DNAH8: variants seen among roughly 807,000 people sequenced by gnomAD.
The protein encoded by DNAH8 is axonemal beta dynein heavy chain 8.
DNAH8 carries 382 observed loss-of-function variants against 562.1 expected under a neutral mutation model. The observed-to-expected ratio is 0.68, with a 90% CI of 0.63 to 0.74. The LOEUF is 0.74. Ranked by LOEUF, DNAH8 falls within the 30% of genes least tolerant of loss-of-function variation. The pLI is 0.00. For missense variants in DNAH8, 5,203 were observed against 5,620.4 expected, an observed-to-expected ratio of 0.93 and a Z score of 2.37; for synonymous variants, 1,881 against 1,919.4, an observed-to-expected ratio of 0.98 and a Z score of 0.52.
intron 33 of DNAH8, among the ~76,000 whole-genome samples, chr6:38,838,429 C>T (rs1267878801): frequency 7.3e-5 from 11 of 151,332 alleles, no homozygotes; most frequent in Admixed American, 6.6e-5. Context: ...GACAGAGTCT[C>T]GCTCTGTTGC....
intron 70 of DNAH8, among the ~76,000 whole-genome samples, chr6:38,919,549 T>A (rs1256095918): frequency 2.0e-5 from 3 of 152,194 alleles, no homozygotes; most frequent in Non-Finnish European, 4.4e-5. Context: ...TCAGGTTGAA[T>A]AACTACATTG....
At chr6:38,715,961 T>TATATATATA (rs1491204029) in intron 1 of DNAH8, among the ~76,000 whole-genome samples, 8 of 20,026 alleles carry the variant, frequency 4.0e-4, no homozygotes, top group Non-Finnish European at 4.6e-4. Flanking sequence ...TATATATATA[T>TATATATATA]TTTTTTTTTT....
chr6:38,916,968 C>T (rs575964496), intron 68 of DNAH8, among the ~76,000 whole-genome samples: 3 of 152,234 alleles, frequency 2.0e-5, no homozygotes, highest in South Asian at 2.1e-4. Context: ...TGTTACATAT[C>T]AGTGGGACTT....
chr6:38,993,834 G>A (rs574834164), intron 88 of DNAH8, among the ~76,000 whole-genome samples: 7 of 152,090 alleles, frequency 4.6e-5, no homozygotes, highest in African/African-American at 1.2e-4. Flanking sequence ...CTATGTATGG[G>A]CATTTAGGTT....
At chr6:38,938,286 T>C in intron 78 of DNAH8, 60 bp downstream of exon 78, 1 of 1,543,256 alleles carries the variant, frequency 6.5e-7, no homozygotes, top group Admixed American at 1.9e-5. Context: ...GTATTTCTAC[T>C]CTTTTAGAAA....
chr6:38,903,286 G>T (rs1232983324), intron 62 of DNAH8, among the ~76,000 whole-genome samples: 2 of 152,146 alleles, frequency 1.3e-5, no homozygotes, highest in East Asian at 3.9e-4. Context: ...TCTGGTGAGG[G>T]TCTCAGGAAG....
chr6:38,928,401 T>C (rs1444732171), intron 74 of DNAH8, among the ~76,000 whole-genome samples: 1 of 152,210 alleles, frequency 6.6e-6, no homozygotes, highest in Non-Finnish European at 1.5e-5. Flanking sequence ...GGTGCTTTTC[T>C]TCACCTTGTT....
chr6:39,009,314 A>C (rs1583560195), intron 89 of DNAH8, among the ~76,000 whole-genome samples: 1 of 143,750 alleles, frequency 7.0e-6, no homozygotes, highest in Admixed American at 7.0e-5. Flanking sequence ...AAAAAAAAAA[A>C]ACTCAAAAAT....
intron 88 of DNAH8, among the ~76,000 whole-genome samples, chr6:39,004,465 G>A (rs901324567): frequency 6.6e-6 from 1 of 152,250 alleles, no homozygotes; most frequent in Middle Eastern, 3.4e-3. Context: ...ACTCCACCAT[G>A]AGGGGGACAT....
chr6:39,010,816 CACACGTAT>C (rs1385221433), intron 89 of DNAH8, among the ~76,000 whole-genome samples: 7 of 127,140 alleles, frequency 5.5e-5, no homozygotes, highest in Admixed American at 2.6e-4. Context: ...CACACACACA[CACACGTAT>C]GTATGTATGT....
rs776721493 is a variant in DNAH8 at position 38,734,595 on chromosome 6, T to A, written c.732T>A (p.Asp244Glu). The change falls in exon 5 of 93, where the codon GAT (aspartate) becomes GAA (glutamate). Residue 244 changes from aspartate to glutamate, a missense_variant. Asp to Glu is a conservative substitution (Grantham distance 45). This residue lies in a region of DNAH8 where 556 missense variants were observed against 496.9 expected (regional missense o/e 1.12). Coordinates refer to ENST00000327475, the MANE Select transcript of DNAH8 (RefSeq NM_001206927.2). ...TATTTTTTGTTCGTTGCCGTAATGA[T>A]GTTGCTATAAATGTTAAAACTATTC... ...LCIFFVRCRN[D>E]VAINVKTIQE... 30 of 1,613,398 alleles carry A rather than the reference T, an allele frequency of 1.9e-5. 1 individual carries two copies. Among genetic ancestry groups the A allele is most frequent in the Admixed American group, 1.2e-4 (7 of 59,982 alleles).
intron 7 of DNAH8, among the ~76,000 whole-genome samples, chr6:38,739,251 T>C (rs553994652): frequency 6.6e-6 from 1 of 152,328 alleles, no homozygotes; most frequent in South Asian, 2.1e-4. Context: ...CCTTTAGTCA[T>C]GTGGAAATTT....
chr6:38,754,034 A>G (rs892727927), intron 9 of DNAH8, among the ~76,000 whole-genome samples: 1 of 152,194 alleles, frequency 6.6e-6, no homozygotes, highest in African/African-American at 2.4e-5. Context: ...TCATTTGGGT[A>G]GGAAAAGTGC....
chr6:39,026,577 C>T lies in DNAH8; in HGVS notation c.13746C>T (p.Thr4582=), dbSNP rs1169064849. 1.9e-6 allele frequency: 3 copies of T among 1,613,162 alleles called. No individual in the cohort carries two copies. The South Asian group carries it at 3.3e-5, about 18-fold the overall frequency. The change falls in exon 92 of 93, where the codon ACC becomes ACT. Residue 4582 remains threonine, a synonymous_variant. Coordinates refer to ENST00000327475, the MANE Select transcript of DNAH8 (RefSeq NM_001206927.2). ...GFLTAMRQEV[T]RAHKGWALDT... ...TCACAGCAATGAGGCAAGAAGTGAC[C>T]CGTGCCCACAAAGGCTGGGCACTGG...
chr6:38,962,579 T>C (rs1267439516), intron 82 of DNAH8, among the ~76,000 whole-genome samples: 1 of 152,198 alleles, frequency 6.6e-6, no homozygotes, highest in African/African-American at 2.4e-5. Flanking sequence ...AGGTTAACTT[T>C]AGTAAACATA....
Position 38,842,414 on chromosome 6 carries a change from G to T in DNAH8, c.4513G>T (p.Val1505Leu). 6.2e-7 allele frequency: 1 copy of T among 1,612,336 alleles called. No individual in the cohort carries two copies. Among genetic ancestry groups the T allele is most frequent in the Non-Finnish European group, 8.5e-7 (1 of 1,179,004 alleles). ...GAAGCTGTATGGATTGTATGACACC[G>T]TAATGAGCAGTATTAGTGGTTATTA... The part of the protein sequence containing the change: ...LQKLYGLYDT[V>L]MSSISGYYEI... Residue 1505 changes from valine (V) to leucine (L), a missense_variant, in exon 34 of 93, where the codon GTA (valine) becomes TTA (leucine). Physicochemically the swap from Val to Leu is conservative, Grantham distance 32 (BLOSUM62 1). Coordinates refer to ENST00000327475, the MANE Select transcript of DNAH8 (RefSeq NM_001206927.2).
At chr6:38,937,219 G>T (rs943294260) in intron 77 of DNAH8, among the ~76,000 whole-genome samples, 45 of 63,894 alleles carry the variant, frequency 7.0e-4, no homozygotes, top group Non-Finnish European at 1.9e-3. Context: ...TAGGGGTCTG[G>T]GGGGAGGGAT....
intron 35 of DNAH8, among the ~76,000 whole-genome samples, chr6:38,843,768 G>A (rs1363753449): frequency 1.3e-5 from 2 of 151,844 alleles, no homozygotes; most frequent in Non-Finnish European, 2.9e-5. Context: ...ATTTTTATTG[G>A]GGTGGCTGGG....
At chr6:38,909,765 A>T (rs997499596) in intron 65 of DNAH8, 21 bp downstream of exon 65, 1 of 1,588,468 alleles carries the variant, frequency 6.3e-7, no homozygotes, top group African/African-American at 1.3e-5. Context: ...TTACATAAGC[A>T]CCATCGCTAT....
Sources: gnomAD v4.1 joint callset for allele counts (sites outside exome capture counted in the v4.1 genomes callset) on GRCh38, gnomAD v4.1.1 for gene constraint, gnomAD v4.1.1 regional missense constraint, MANE v1.5 for transcripts, NCBI Gene and HGNC (gene_info 2026-07-23, HGNC 2026-07-21) for gene names.